IBSP: variants seen among roughly 807,000 people sequenced by gnomAD.
The protein encoded by IBSP is integrin binding sialoprotein.
Under a neutral mutation model 25.5 loss-of-function variants are expected in IBSP, and 19 were observed. The ratio of observed to expected loss-of-function variants is 0.74; its 90% CI spans 0.52 to 1.09. The LOEUF (loss-of-function observed/expected upper bound fraction) is 1.09. IBSP is among the 50% of genes least tolerant of loss of function. The pLI, the probability that IBSP is intolerant of heterozygous loss-of-function variation, is 0.00. For missense variants in IBSP, 360 were observed against 382.3 expected (o/e 0.94, Z 0.49); for synonymous variants, 144 against 137.6 (o/e 1.05, Z -0.33).
chr4:87,811,583 C>T lies in IBSP; in HGVS notation c.627C>T (p.Ala209=). 6.2e-7 allele frequency: 1 copy of T among 1,613,616 alleles called. No individual in the cohort carries two copies. Among genetic ancestry groups the T allele is most frequent in the Non-Finnish European group, 8.5e-7 (1 of 1,179,842 alleles). ...EEGEEESVTG[A]NAEDTTETGR... ...GGGAAGAAGAAAGTGTCACTGGAGC[C>T]AATGCAGAAGACACCACAGAGACCG... Residue 209 remains alanine (A), a synonymous_variant, in exon 7 of 7, where the codon GCC becomes GCT. Transcript: ENST00000226284.
intron 1 of IBSP, among the ~76,000 whole-genome samples, chr4:87,800,545 G>A (rs538496092): frequency 6.6e-6 from 1 of 152,218 alleles, no homozygotes; most frequent in South Asian, 2.1e-4. Context: ...GCATTATTTA[G>A]ACCACCCCGA....
At chr4:87,810,016 C>A (rs1320304734) in intron 5 of IBSP, among the ~76,000 whole-genome samples, 1 of 152,020 alleles carries the variant, frequency 6.6e-6, no homozygotes, top group Non-Finnish European at 1.5e-5. Flanking sequence ...CAGATCACAA[C>A]GTCAAGATCA....
chr4:87,802,679 A>C lies in IBSP; in HGVS notation c.131A>C (p.Tyr44Ser), dbSNP rs762978443. 6.4e-7 allele frequency: 1 copy of C among 1,571,692 alleles called. No homozygotes were observed. The highest frequency in any genetic ancestry group is 8.6e-7 in the Non-Finnish European group (1 of 1,167,742). Residue 44 changes from tyrosine to serine, a missense_variant, in exon 4 of 7, where the codon TAT (tyrosine) becomes TCT (serine). Physicochemically the swap from Tyr to Ser is moderately radical, Grantham distance 144. Coordinates refer to ENST00000226284, the MANE Select transcript of IBSP (RefSeq NM_004967.4). ...GTCTTTAAGTACAGGCCACGATATT[A>C]TCTTTACAAGCATGCCTACTTTTAT... ...NGVFKYRPRY[Y>S]LYKHAYFYPH...
intron 6 of IBSP, among the ~76,000 whole-genome samples, chr4:87,811,130 C>A (rs1722164183): frequency 1.3e-5 from 2 of 152,086 alleles, no homozygotes; most frequent in African/African-American, 4.8e-5. Flanking sequence ...GAAGACTCTC[C>A]CCCAGGAAAG....
chr4:87,802,792 A>C, intron 4 of IBSP, 61 bp downstream of exon 4: 4 of 1,100,364 alleles, frequency 3.6e-6, no homozygotes, highest in Non-Finnish European at 5.0e-6. Flanking sequence ...AGGAGATCAA[A>C]TTTTAACTAT....
chr4:87,802,283 A>G, intron 1 of IBSP, 65 bp from the exon 2 acceptor site: 1 of 923,334 alleles, frequency 1.1e-6, no homozygotes, highest in South Asian at 1.5e-5. Context: ...ATCTTTGAAT[A>G]TGAGTAAAAA....
intron 5 of IBSP, among the ~76,000 whole-genome samples, chr4:87,806,423 C>A (rs1340600683): frequency 6.6e-6 from 1 of 152,134 alleles, no homozygotes; most frequent in Non-Finnish European, 1.5e-5. Context: ...AACCAAAAAT[C>A]TCTCCCTTTT....
chr4:87,809,330 T>C (rs531355526), intron 5 of IBSP, among the ~76,000 whole-genome samples: 2 of 152,318 alleles, frequency 1.3e-5, no homozygotes, highest in South Asian at 4.1e-4. Flanking sequence ...ATTGGGCCTT[T>C]AGTTGTGACC....
intron 4 of IBSP, 117 bp downstream of exon 4, chr4:87,802,848 G>A: frequency 1.5e-6 from 1 of 657,824 alleles, no homozygotes; most frequent in Non-Finnish European, 2.4e-6. Context: ...CAAAAAGACT[G>A]CTTACTATAA....
At chr4:87,803,102 T>C (rs1249736601) in intron 4 of IBSP, among the ~76,000 whole-genome samples, 1 of 152,202 alleles carries the variant, frequency 6.6e-6, no homozygotes, top group East Asian at 1.9e-4. Flanking sequence ...GCTGATTCAA[T>C]ACTGTCAGAT....
Position 87,810,689 on chromosome 4 carries a change from A to G in IBSP, c.330A>G (p.Thr110=). 6.2e-7 allele frequency: 1 copy of G among 1,613,924 alleles called. No homozygotes were observed. The highest frequency in any genetic ancestry group is 8.5e-7 in the Non-Finnish European group (1 of 1,179,788). Residue 110 remains threonine, a synonymous_variant, in exon 6 of 7, where the codon ACA becomes ACG. Transcript: ENST00000226284. ...SEAENTTLSA[T]TLGYGEDATP... ...CTGAGAATACCACACTTTCTGCTAC[A>G]ACACTGGGCTATGGAGAGGACGCCA...
At chr4:87,800,008 G>A (rs1365865418) in intron 1 of IBSP, among the ~76,000 whole-genome samples, 1 of 152,012 alleles carries the variant, frequency 6.6e-6, no homozygotes, top group Non-Finnish European at 1.5e-5. Context: ...ATTATACCTA[G>A]TCTGTACTTC....
intron 5 of IBSP, among the ~76,000 whole-genome samples, chr4:87,809,573 G>C (rs1239181404): frequency 3.3e-5 from 5 of 152,106 alleles, no homozygotes; most frequent in Non-Finnish European, 7.4e-5. Context: ...AGACTGTTTG[G>C]GGTATACTCT....
rs770035613 is a variant in IBSP at position 87,802,471 on chromosome 4, GA to G, written c.55-32del. ...TTCAGTTTTGTCTTTTTATGTAAAA[GA>G]AAAATTATGCAATAATTAAATGTTC... On this transcript the variant is annotated intron_variant, in intron 2 of 6. Transcript: ENST00000226284. The G allele has an allele frequency of 2.6e-5, 41 of 1,592,352 alleles. No individual in the cohort carries two copies. In the African/African-American group the frequency reaches 4.1e-4, roughly 16 times the overall value.
At chr4:87,803,839 G>C (rs1447439248) in intron 4 of IBSP, among the ~76,000 whole-genome samples, 1 of 152,106 alleles carries the variant, frequency 6.6e-6, no homozygotes, top group Non-Finnish European at 1.5e-5. Context: ...GTGCTCATTT[G>C]AAAGTTTGCT....
At chr4:87,801,499 CACACACACACACACACGCATAT>C (rs1445694262) in intron 1 of IBSP, among the ~76,000 whole-genome samples, 1 of 140,668 alleles carries the variant, frequency 7.1e-6, no homozygotes, top group Admixed American at 7.3e-5. Flanking sequence ...CACACACACA[CACACACACACACACACGCATAT>C]ACACACACAC....
intron 5 of IBSP, among the ~76,000 whole-genome samples, chr4:87,806,710 T>TA (rs1042572521): frequency 6.6e-6 from 1 of 152,064 alleles, no homozygotes; most frequent in Non-Finnish European, 1.5e-5. Context: ...TTATTCTTTT[T>TA]AAAAAAATTT....
chr4:87,810,682 C>G lies in IBSP; in HGVS notation c.323C>G (p.Ser108Cys). 1 of 1,613,810 alleles carries G rather than the reference C, an allele frequency of 6.2e-7. No homozygotes were observed. The highest frequency in any genetic ancestry group is 8.5e-7 in the Non-Finnish European group (1 of 1,179,704). Reference protein sequence around the residue: ...EDSEAENTTLSATTLGYGEDA... With the variant: ...EDSEAENTTLCATTLGYGEDA... ...TCTGAGGCTGAGAATACCACACTTTCTGCTACAACACTGGGCTATGGAGAG... is the reference window on the plus strand; with the variant it reads ...TCTGAGGCTGAGAATACCACACTTTGTGCTACAACACTGGGCTATGGAGAG... Residue 108 changes from serine (S) to cysteine (C), a missense_variant, in exon 6 of 7, where the codon TCT becomes TGT. Ser to Cys is a moderately radical substitution (Grantham distance 112). Transcript: ENST00000226284.
intron 1 of IBSP, 104 bp from the exon 2 acceptor site, chr4:87,802,244 C>A (rs1031892385): frequency 3.0e-6 from 2 of 661,132 alleles, no homozygotes; most frequent in African/African-American, 1.8e-5. Context: ...GTGATAATTA[C>A]ACAGAAATGA....
Sources: allele counts gnomAD v4.1 joint callset (sites outside exome capture counted in the v4.1 genomes callset), GRCh38; gene constraint gnomAD v4.1.1; transcripts MANE v1.5; gene names NCBI Gene and HGNC (gene_info 2026-07-23, HGNC 2026-07-21).